Variants in STAB1 observed in about 807,000 individuals in gnomAD.
The protein encoded by STAB1 is stabilin-1.
A neutral mutation model predicts 332.4 loss-of-function variants in STAB1; 250 were observed. The observed-to-expected ratio is 0.75, with a 90% CI of 0.68 to 0.84. The LOEUF is 0.84. STAB1 is among the 40% of genes least tolerant of loss of function. The pLI is 0.00. For synonymous variants in STAB1, 1,475 were observed against 1,390.4 expected (o/e 1.06, Z -1.35); for missense variants, 3,249 against 3,489.7 (o/e 0.93, Z 1.74).
chr3:52,520,747 G>C, intron 54 of STAB1, 49 bp downstream of exon 54: 2 of 1,612,574 alleles, frequency 1.2e-6, no homozygotes, highest in South Asian at 1.1e-5. Flanking sequence ...GGCAGGCAGA[G>C]CCCAAGGACC....
At position 52,520,470 on chromosome 3, in the gene STAB1, C is replaced by A. The variant is rs369827833; in HGVS notation, c.5570C>A (p.Ala1857Asp). Residue 1857 changes from alanine to aspartate, a missense_variant, in exon 53 of 69, where the codon GCC becomes GAC. By Grantham distance (126) the Ala-to-Asp change is moderately radical (BLOSUM62 -2). Coordinates refer to ENST00000321725, the MANE Select transcript of STAB1 (RefSeq NM_015136.3). ...CACTTGCCCTTTGAGGGTGGCCTGG[C>A]CTATGGCATCGACCAGCTGCTGGAG... ...QRHLPFEGGL[A>D]YGIDQLLEPP... 1.2e-6 allele frequency: 2 copies of A among 1,612,638 alleles called. No homozygotes were observed. The highest frequency in any genetic ancestry group is 1.3e-5 in the African/African-American group (1 of 74,954).
Position 52,504,755 on chromosome 3 carries a change from A to C in STAB1, c.1256A>C (p.Gln419Pro). 1 of 1,613,836 alleles carries C rather than the reference A, an allele frequency of 6.2e-7. No homozygotes were observed. Among genetic ancestry groups the C allele is most frequent in the Non-Finnish European group, 8.5e-7 (1 of 1,180,026 alleles). ...SRTMNASLAQ[Q>P]LCRQHIIAGQ... ...CGTCTGCAGGCATCCCTTGCCCAGCAGCTCTGTAGACAGCACATCATCGCA... is the reference window on the plus strand; with the variant it reads ...CGTCTGCAGGCATCCCTTGCCCAGCCGCTCTGTAGACAGCACATCATCGCA... The change falls in exon 12 of 69, where the codon CAG becomes CCG. Residue 419 changes from glutamine (Q) to proline (P), a missense_variant. By Grantham distance (76) the Gln-to-Pro change is moderately conservative (BLOSUM62 -1). Coordinates refer to ENST00000321725, the MANE Select transcript of STAB1 (RefSeq NM_015136.3).
Position 52,524,424 on chromosome 3 carries a change from T to C in STAB1, c.*68T>C, listed in dbSNP as rs553480198. 3 of 1,611,824 alleles carry C rather than the reference T, an allele frequency of 1.9e-6. No homozygotes were observed. The South Asian group carries it at 3.3e-5, about 18-fold the overall frequency. On this transcript the variant is annotated 3_prime_UTR_variant, in exon 69 of 69. Transcript: ENST00000321725. The stretch of plus-strand genomic sequence containing the variant: ...CACTTTTATTGCTTGTCTGGGTGGA[T>C]GGGGCAGGAGGGGCTGAGGGCCTGT...
At chr3:52,511,512 AGAG>A in intron 25 of STAB1, 135 bp from the exon 26 acceptor site, 1 of 653,964 alleles carries the variant, frequency 1.5e-6, no homozygotes, top group Non-Finnish European at 2.6e-6. Flanking sequence ...CAGATCTCTG[AGAG>A]GAGGGCTGGG....
rs1412456539 is a variant in STAB1, at chr3:52,522,630, C to T, written c.6686C>T (p.Ala2229Val). The T allele has an allele frequency of 1.2e-6, 2 of 1,612,844 alleles. No homozygotes were observed. Among genetic ancestry groups the T allele is most frequent in the East Asian group, 4.5e-5 (2 of 44,892 alleles). The change falls in exon 61 of 69, where the codon GCA becomes GTA. Residue 2229 changes from alanine (A) to valine (V), a missense_variant. By Grantham distance (64) the Ala-to-Val change is moderately conservative (BLOSUM62 0). Transcript: ENST00000321725. ...YGLNFSEAEA[A>V]CEAQGAVLAS... is the part of the protein sequence containing the mutation. ...CTGAACTTTTCGGAGGCTGAGGCGG[C>T]ATGCGAAGCACAGGGAGCCGTCCTT...
intron 52 of STAB1, 29 bp from the exon 53 acceptor site, chr3:52,520,371 C>T (rs1233763310): frequency 6.2e-7 from 1 of 1,612,612 alleles, no homozygotes; most frequent in Non-Finnish European, 8.5e-7. Flanking sequence ...ACCTGCGACC[C>T]TTGCATACCT....
rs776770292 is a variant in STAB1, at chr3:52,510,207, AC to A, written c.2603del (p.Pro868ArgfsTer45). 1 of 1,613,776 alleles carries A rather than the reference AC, an allele frequency of 6.2e-7. No homozygotes were observed. Among genetic ancestry groups the A allele is most frequent in the East Asian group, 2.2e-5 (1 of 44,878 alleles). ...TGCACACCTAGCAACCCCTGCTCCC[AC>A]CCGGACCGTGGAGGCTGCTCAGAGA... Reference protein sequence around the residue: ...FSCTPSNPCSHPDRGGCSENA... With the variant: ...FSCTPSNPCSXPDRGGCSENA... On this transcript the variant is annotated frameshift_variant, in exon 24 of 69. Transcript: ENST00000321725. LOFTEE classifies it high-confidence loss of function.
At position 52,521,377 on chromosome 3, in the gene STAB1, C is replaced by T. The variant is rs1461148073; in HGVS notation, c.5925C>T (p.Pro1975=). The change falls in exon 56 of 69, where the codon CCC becomes CCT. Residue 1975 remains proline, a synonymous_variant. Transcript: ENST00000321725. ...GSECQACPGG[P]SSPCSDRGVC... ...CATCCCCAGCTTGCCCTGGCGGCCCCAGCAGCCCTTGTAGTGACCGTGGCG... is the reference window on the plus strand; with the variant it reads ...CATCCCCAGCTTGCCCTGGCGGCCCTAGCAGCCCTTGTAGTGACCGTGGCG... 1.1e-5 allele frequency: 18 copies of T among 1,613,854 alleles called. No homozygotes were observed. The highest frequency in any genetic ancestry group is 1.2e-5 in the Non-Finnish European group (14 of 1,180,020).
chr3:52,522,960 C>A lies in STAB1; in HGVS notation c.6910+20C>A. The A allele has an allele frequency of 6.2e-7, 1 of 1,607,964 alleles. No individual in the cohort carries two copies. The highest frequency in any genetic ancestry group is 8.5e-7 in the Non-Finnish European group (1 of 1,175,858). ...TGCAAGGTGTGTCCACCCGACCAAA[C>A]CCTACTTCCCCTGCTCTGCCCCTTC... On this transcript the variant is annotated intron_variant, in intron 62 of 68. Coordinates refer to ENST00000321725, the MANE Select transcript of STAB1 (RefSeq NM_015136.3).
Position 52,520,633 on chromosome 3 carries a change from C to T in STAB1, c.5650-9C>T. 2 of 1,612,920 alleles carry T rather than the reference C, an allele frequency of 1.2e-6. No homozygotes were observed. The highest frequency in any genetic ancestry group is 1.7e-6 in the Non-Finnish European group (2 of 1,180,018). ...CTGACTTTGCTGTATTGGCCTCCCT[C>T]CCTTCCAGAACACCTGCAGCATCTG... On this transcript the variant is annotated splice_polypyrimidine_tract_variant and intron_variant, in intron 53 of 68. Coordinates refer to ENST00000321725, the MANE Select transcript of STAB1 (RefSeq NM_015136.3).
Position 52,519,611 on chromosome 3 carries a change from T to TGTGTGC in STAB1, c.5235+47_5235+48insGTGTGC, listed in dbSNP as rs1256697285. The TGTGTGC allele has an allele frequency of 1.0e-4, 38 of 373,464 alleles. 1 individual carries two copies. The highest frequency in any genetic ancestry group is 5.8e-4 in the African/African-American group (21 of 36,364). The allele number at this position is 373,464 out of a possible 1,614,324, so 23.1% of individuals were successfully genotyped here. On this transcript the variant is annotated intron_variant, in intron 50 of 68. Transcript: ENST00000321725. ...GTCATTGTGGACACACATGCACGTG[T>TGTGTGC]AAGTGTGTGCAAGTGTGTATGCGTA...
At position 52,512,942 on chromosome 3, in the gene STAB1, C is replaced by T. The variant is rs1709401446; in HGVS notation, c.3142C>T (p.Leu1048=). Residue 1048 remains leucine (L), a synonymous_variant, in exon 29 of 69, where the codon CTG becomes TTG. Transcript: ENST00000321725. ...AGCTTTCTGGCTGCAGCCAAGGACG[C>T]TGCCGAACCTGGTCAGGTGGGGCCG... ...DRAFWLQPRT[L]PNLVRAHFLQ... The T allele has an allele frequency of 6.2e-7, 1 of 1,610,422 alleles. No homozygotes were observed. The highest frequency in any genetic ancestry group is 1.1e-5 in the South Asian group (1 of 90,940).
At chr3:52,505,534 G>A in intron 14 of STAB1, 134 bp from the exon 15 acceptor site, 3 of 1,186,480 alleles carry the variant, frequency 2.5e-6, no homozygotes, top group Non-Finnish European at 3.6e-6. Flanking sequence ...TTCTGTGGTA[G>A]CATGGACCCA....
At position 52,506,753 on chromosome 3, in the gene STAB1, A is replaced by G. The variant is rs200673625; in HGVS notation, c.1892A>G (p.Asn631Ser). The change falls in exon 18 of 69, where the codon AAT (asparagine) becomes AGT (serine). Residue 631 changes from asparagine (N) to serine (S), a missense_variant. Transcript: ENST00000321725. Reference sequence around the variant, plus strand: ...CAGAGGGTAGACGTGATGGCCGCCAATGGTGTGATCCACATGCTGGACGGC... The same window carrying G: ...CAGAGGGTAGACGTGATGGCCGCCAGTGGTGTGATCCACATGCTGGACGGC... ...PLQRVDVMAA[N>S]GVIHMLDGIL... 1.3e-5 allele frequency: 21 copies of G among 1,612,736 alleles called. No homozygotes were observed. In the East Asian group the frequency reaches 3.8e-4, roughly 29 times the overall value.
intron 18 of STAB1, 40 bp downstream of exon 18, chr3:52,506,890 C>T (rs767357918): frequency 7.5e-6 from 12 of 1,601,982 alleles, no homozygotes; most frequent in Non-Finnish European, 9.4e-6. Flanking sequence ...ACTCACTAAC[C>T]CCTGTCAGCG....
At chr3:52,518,148 A>G (rs929705410) in intron 45 of STAB1, 145 bp downstream of exon 45, 1 of 1,485,956 alleles carries the variant, frequency 6.7e-7, no homozygotes, top group Non-Finnish European at 9.0e-7. Context: ...CCTGGGCCTG[A>G]CCCCAGCTAT....
At chr3:52,519,593 T>C in intron 50 of STAB1, 29 bp downstream of exon 50, 1 of 1,598,418 alleles carries the variant, frequency 6.3e-7, no homozygotes, top group Non-Finnish European at 8.5e-7. Context: ...CCTGTCATTG[T>C]GGACACACAT....
rs2078873911 is a variant in STAB1, at chr3:52,516,589, T to A, written c.4286+2T>A. 6.2e-7 allele frequency: 1 copy of A among 1,612,644 alleles called. No homozygotes were observed. Among genetic ancestry groups the A allele is most frequent in the Non-Finnish European group, 8.5e-7 (1 of 1,179,956 alleles). ...TAGGAAGTGCGACCCCAATGCCAAG[T>A]GAGTGGGCCCAGCCTGGGGCGGGTG... On this transcript the variant is annotated splice_donor_variant, in intron 40 of 68. Coordinates refer to ENST00000321725, the MANE Select transcript of STAB1 (RefSeq NM_015136.3). LOFTEE classifies it high-confidence loss of function.
intron 52 of STAB1, 49 bp from the exon 53 acceptor site, chr3:52,520,351 G>A: frequency 6.2e-7 from 1 of 1,612,850 alleles, no homozygotes; most frequent in East Asian, 2.2e-5. Context: ...GGCAGTAGCA[G>A]CTGGAGTGCA....
Sources: allele counts gnomAD v4.1 joint callset, GRCh38; gene constraint gnomAD v4.1.1; transcripts MANE v1.5; gene names NCBI Gene and HGNC (gene_info 2026-07-23, HGNC 2026-07-21).